The following C13orf42 variants were observed in gnomAD, a reference collection of about 807,000 sequenced individuals.
C13orf42 encodes the protein uncharacterized protein C13orf42.
intron 1 of C13orf42, among the ~76,000 whole-genome samples, chr13:51,159,317 TG>T (rs1953846740): frequency 6.6e-6 from 1 of 152,124 alleles, no homozygotes; most frequent in Admixed American, 6.5e-5. Flanking sequence ...TTGTTTTCAA[TG>T]ACAGTGATTA....
At chr13:51,171,298 T>C (rs1445113525) in intron 1 of C13orf42, among the ~76,000 whole-genome samples, 1 of 152,146 alleles carries the variant, frequency 6.6e-6, no homozygotes, top group Non-Finnish European at 1.5e-5. Context: ...AATGGCACTT[T>C]GAATTTTTCC....
chr13:51,101,154 C>T (rs903412842), intron 1 of C13orf42, among the ~76,000 whole-genome samples: 11 of 152,148 alleles, frequency 7.2e-5, no homozygotes, highest in African/African-American at 2.7e-4. Context: ...CCAAATATTA[C>T]ATGGGACATC....
intron 1 of C13orf42, among the ~76,000 whole-genome samples, chr13:51,119,673 G>A (rs1953518262): frequency 6.6e-6 from 1 of 152,314 alleles, no homozygotes; most frequent in Non-Finnish European, 1.5e-5. Flanking sequence ...AATACTGTAT[G>A]ATTTCACTTA....
chr13:51,166,696 C>G (rs1344841542), intron 1 of C13orf42, among the ~76,000 whole-genome samples: 1 of 151,772 alleles, frequency 6.6e-6, no homozygotes, highest in East Asian at 1.9e-4. Flanking sequence ...AATTTACAAT[C>G]TCAAGGTTGT....
At chr13:51,171,154 C>T (rs1953947182) in intron 1 of C13orf42, among the ~76,000 whole-genome samples, 1 of 152,094 alleles carries the variant, frequency 6.6e-6, no homozygotes, top group Admixed American at 6.5e-5. Context: ...CCTCCTTCTC[C>T]TCCCTTAGCC....
At chr13:51,088,407 A>AT (rs1271246826) in intron 1 of C13orf42, among the ~76,000 whole-genome samples, 1 of 152,020 alleles carries the variant, frequency 6.6e-6, no homozygotes, top group African/African-American at 2.4e-5. Context: ...CAATTAGGAG[A>AT]TTGTACAGTT....
chr13:51,134,384 G>A (rs908898107), intron 1 of C13orf42, among the ~76,000 whole-genome samples: 3 of 152,104 alleles, frequency 2.0e-5, no homozygotes, highest in Admixed American at 6.5e-5. Context: ...CTGTTTTGGT[G>A]TGGTTTGGGG....
At chr13:51,128,616 A>C (rs1452168614) in intron 1 of C13orf42, among the ~76,000 whole-genome samples, 3 of 152,304 alleles carry the variant, frequency 2.0e-5, no homozygotes, top group Non-Finnish European at 4.4e-5. Context: ...AGTCCTTCCT[A>C]AGATTTAGGG....
chr13:51,098,108 C>T (rs1380447339), intron 1 of C13orf42, among the ~76,000 whole-genome samples: 2 of 152,080 alleles, frequency 1.3e-5, no homozygotes. Context: ...TTTCCAATTC[C>T]TTGAGGGCAG....
chr13:51,163,137 C>T (rs1211319482), intron 1 of C13orf42, among the ~76,000 whole-genome samples: 3 of 152,192 alleles, frequency 2.0e-5, no homozygotes, highest in African/African-American at 4.8e-5. Flanking sequence ...CAGCTGGCTT[C>T]ACCCCTGCTC....
intron 1 of C13orf42, among the ~76,000 whole-genome samples, chr13:51,107,254 CAT>C (rs1258278605): frequency 2.0e-5 from 3 of 152,162 alleles, no homozygotes; most frequent in African/African-American, 7.2e-5. Flanking sequence ...GCATGAAAGC[CAT>C]ATGTCTTGAT....
At chr13:51,091,007 G>C (rs561187659) in intron 1 of C13orf42, among the ~76,000 whole-genome samples, 1 of 152,100 alleles carries the variant, frequency 6.6e-6, no homozygotes, top group Non-Finnish European at 1.5e-5. Context: ...CAAACATGTC[G>C]CCTATTTCCA....
rs2137968703 is a variant in C13orf42, at chr13:51,083,303, G to A, written c.*848C>T. 6.6e-6 allele frequency: 1 copy of A among 152,314 alleles called. No individual in the cohort carries two copies. Among genetic ancestry groups the A allele is most frequent in the East Asian group, 1.9e-4 (1 of 5,190 alleles). The allele number at this position is 152,314 out of a possible 1,614,324, so 9.4% of individuals were successfully genotyped here. On this transcript the variant is annotated 3_prime_UTR_variant, in exon 4 of 4. Coordinates refer to ENST00000563710, the MANE Select transcript of C13orf42 (RefSeq NM_001351589.3). ...TGATTCAGATAGTTCCTAAAATACA[G>A]AAATCCTTTCTATACCAAAAGAACG...
At chr13:51,153,102 C>G (rs895168899) in intron 1 of C13orf42, among the ~76,000 whole-genome samples, 25 of 152,220 alleles carry the variant, frequency 1.6e-4, no homozygotes, top group African/African-American at 6.0e-4. Flanking sequence ...ATGATTGTAT[C>G]TTTGAATTAA....
At chr13:51,148,413 T>C (rs769136471) in intron 1 of C13orf42, among the ~76,000 whole-genome samples, 1 of 152,180 alleles carries the variant, frequency 6.6e-6, no homozygotes. Context: ...AATGGTGTGA[T>C]AGGCATCATG....
upstream of C13orf42, chr13:51,113,226 G>C (rs750548808): frequency 2.0e-5 from 3 of 152,182 alleles, no homozygotes; most frequent in African/African-American, 4.8e-5. Context: ...GTCAGACCTA[G>C]AAAGAAAATT....
chr13:51,133,713 T>C (rs1041923570), intron 1 of C13orf42, among the ~76,000 whole-genome samples: 6 of 152,318 alleles, frequency 3.9e-5, no homozygotes, highest in Non-Finnish European at 4.4e-5. Flanking sequence ...CTGTGTGCAC[T>C]GAGGTCTGAT....
Position 51,139,038 on chromosome 13 carries a change from C to G in C13orf42, n.137-25816G>C, listed in dbSNP as rs1010812914. On this transcript the variant is annotated intron_variant and non_coding_transcript_variant, in intron 1 of 4. Coordinates refer to the C13orf42 transcript ENST00000433280. ...GTGGCTAAAATAGTCAAACTCCGGC[C>G]GGGTGCAGTAGTTCACACCTGTAAT... 2.6e-5 allele frequency among the ~76,000 whole-genome samples: 4 copies of G among 152,204 alleles called. No homozygotes were observed. In the East Asian group the frequency reaches 7.7e-4, roughly 29 times the overall value.
chr13:51,095,417 A>T (rs1011968015), intron 1 of C13orf42, among the ~76,000 whole-genome samples: 2 of 152,028 alleles, frequency 1.3e-5, no homozygotes, highest in African/African-American at 4.8e-5. Flanking sequence ...TCCCTCAAAT[A>T]TTTCTCATAC....
Sources: gnomAD v4.1 joint callset for allele counts (sites outside exome capture counted in the v4.1 genomes callset) on GRCh38, gnomAD v4.1.1 for gene constraint, MANE v1.5 for transcripts, NCBI Gene and HGNC (gene_info 2026-07-23, HGNC 2026-07-21) for gene names.